PCNX1: variants seen among roughly 807,000 people sequenced by gnomAD.
PCNX1 encodes the protein pecanex 1.
In PCNX1, 78 loss-of-function variants were observed where a neutral mutation model predicts 242.2. The ratio of observed to expected loss-of-function variants is 0.32; its 90% CI spans 0.27 to 0.39. PCNX1 has a LOEUF of 0.39. Ranked by LOEUF, PCNX1 falls within the 10% of genes least tolerant of loss-of-function variation. The pLI is 1.00. For synonymous variants in PCNX1, 1,024 were observed against 1,032.9 expected (o/e 0.99, Z 0.17); for missense variants, 2,581 against 2,856.5 (o/e 0.90, Z 2.20).
At chr14:70,909,114 A>C (rs557777705) in intron 1 of PCNX1, among the ~76,000 whole-genome samples, 3 of 152,330 alleles carry the variant, frequency 2.0e-5, no homozygotes, top group African/African-American at 7.2e-5. Context: ...CACTATGAGA[A>C]GTGCAAAAGG....
intron 24 of PCNX1, chr14:71,053,261 T>C (rs1421856397): frequency 3.8e-5 from 17 of 453,002 alleles, no homozygotes; most frequent in African/African-American, 3.2e-4. Context: ...ATACTCTTTT[T>C]TTTTCTTTTC....
intron 19 of PCNX1, 85 bp downstream of exon 19, chr14:71,036,242 G>C: frequency 1.2e-6 from 1 of 848,052 alleles, no homozygotes; most frequent in South Asian, 1.5e-5. Context: ...GCAGTGTTGC[G>C]ATCACAGTTC....
chr14:70,993,189 C>T (rs1166092113), intron 7 of PCNX1, among the ~76,000 whole-genome samples: 6 of 149,984 alleles, frequency 4.0e-5, no homozygotes, highest in East Asian at 3.9e-4. Flanking sequence ...GGCACGATCT[C>T]GGCTCACTGC....
chr14:71,105,129 G>A, intron 32 of PCNX1, 106 bp from the exon 33 acceptor site: 3 of 798,346 alleles, frequency 3.8e-6, no homozygotes, highest in Non-Finnish European at 6.2e-6. Context: ...ACTTTAAAAG[G>A]TGAACATTAG....
intron 30 of PCNX1, among the ~76,000 whole-genome samples, chr14:71,097,940 C>A (rs189889139): frequency 3.5e-4 from 53 of 152,294 alleles, no homozygotes; most frequent in Non-Finnish European, 6.8e-4. Context: ...TTAATCCATT[C>A]CATCTTGAGT....
At chr14:70,908,146 C>A (rs1042408740) in intron 1 of PCNX1, 143 bp downstream of exon 1, 1 of 697,494 alleles carries the variant, frequency 1.4e-6, no homozygotes, top group Non-Finnish European at 2.2e-6. Context: ...GCCCCCACTG[C>A]GTGCTCCCAC....
At chr14:70,967,674 T>C (rs952570022) in intron 3 of PCNX1, among the ~76,000 whole-genome samples, 2 of 152,188 alleles carry the variant, frequency 1.3e-5, no homozygotes, top group East Asian at 1.9e-4. Flanking sequence ...GTTCTGTCTA[T>C]AAAGAAGTAC....
chr14:71,043,113 A>G (rs8014273), intron 19 of PCNX1, among the ~76,000 whole-genome samples: 44,971 of 152,012 alleles, frequency 0.3, 6,658 homozygotes, highest in Middle Eastern at 0.4. Flanking sequence ...AGCACTTCGA[A>G]TGTGTCACCT....
At chr14:71,074,951 C>T (rs2061675399) in intron 27 of PCNX1, among the ~76,000 whole-genome samples, 1 of 151,148 alleles carries the variant, frequency 6.6e-6, no homozygotes. Context: ...CTTTAATAAC[C>T]AACATCTGAA....
chr14:71,029,279 C>T (rs1337654948), intron 16 of PCNX1, among the ~76,000 whole-genome samples: 1 of 152,060 alleles, frequency 6.6e-6, no homozygotes, highest in Non-Finnish European at 1.5e-5. Flanking sequence ...AAAAGATTGT[C>T]AACAAGTTGT....
At chr14:71,091,096 G>A (rs1246245482) in intron 30 of PCNX1, among the ~76,000 whole-genome samples, 1 of 152,212 alleles carries the variant, frequency 6.6e-6, no homozygotes, top group Admixed American at 6.5e-5. Context: ...ATGGAGGGCT[G>A]AGGGGAGGAG....
At chr14:71,010,266 T>C (rs904907379) in intron 9 of PCNX1, among the ~76,000 whole-genome samples, 47 of 152,224 alleles carry the variant, frequency 3.1e-4, no homozygotes, top group African/African-American at 1.1e-3. Context: ...TATTTCATTT[T>C]CTCTATATAT....
chr14:70,946,860 T>G, intron 1 of PCNX1, 55 bp from the exon 2 acceptor site: 1 of 1,161,288 alleles, frequency 8.6e-7, no homozygotes. Flanking sequence ...TTTATCTAAT[T>G]GAATACGATA....
At chr14:70,948,337 T>G (rs2057543632) in intron 2 of PCNX1, among the ~76,000 whole-genome samples, 1 of 152,070 alleles carries the variant, frequency 6.6e-6, no homozygotes, top group African/African-American at 2.4e-5. Context: ...CAGTTTTAAA[T>G]TTCTCTCTTT....
At chr14:71,008,580 C>T (rs903120341) in intron 8 of PCNX1, among the ~76,000 whole-genome samples, 3 of 139,450 alleles carry the variant, frequency 2.2e-5, no homozygotes, top group Admixed American at 7.9e-5. Context: ...GGTGTGAACC[C>T]GGGAGGCAGA....
At chr14:70,974,639 T>A (rs1448820593) in intron 5 of PCNX1, among the ~76,000 whole-genome samples, 2 of 152,228 alleles carry the variant, frequency 1.3e-5, no homozygotes, top group African/African-American at 4.8e-5. Flanking sequence ...TTTGACTCTA[T>A]CCTTTAGCAA....
At chr14:70,953,266 A>G (rs1011864684) in intron 2 of PCNX1, among the ~76,000 whole-genome samples, 1 of 152,114 alleles carries the variant, frequency 6.6e-6, no homozygotes, top group Non-Finnish European at 1.5e-5. Flanking sequence ...GTGGCAGAGC[A>G]AGACCCTGTC....
intron 26 of PCNX1, among the ~76,000 whole-genome samples, chr14:71,073,314 G>A (rs2061632328): frequency 6.6e-6 from 1 of 152,110 alleles, no homozygotes. Flanking sequence ...AACAAAAAAA[G>A]CGTAGTGTGC....
chr14:70,924,931 A>G (rs2056527488), intron 1 of PCNX1, among the ~76,000 whole-genome samples: 1 of 151,824 alleles, frequency 6.6e-6, no homozygotes, highest in South Asian at 2.1e-4. Context: ...TTGATTTTAA[A>G]GACATTTTCA....
Sources: allele counts gnomAD v4.1 joint callset (sites outside exome capture counted in the v4.1 genomes callset), GRCh38; gene constraint gnomAD v4.1.1; transcripts MANE v1.5; gene names NCBI Gene and HGNC (gene_info 2026-07-23, HGNC 2026-07-21).